The following KIF19 variants were observed in gnomAD, a reference collection of about 807,000 sequenced individuals.
The protein encoded by KIF19 is kinesin family member 19.
In KIF19, 98 loss-of-function variants were observed where a neutral mutation model predicts 106.6. The ratio of observed to expected loss-of-function variants is 0.92; its 90% confidence interval spans 0.78 to 1.09. The LOEUF (loss-of-function observed/expected upper bound fraction) is 1.09, where lower values mean the gene tolerates loss of function less well. Among genes scored for constraint, KIF19 ranks in the 50% least tolerant of loss-of-function variants. The pLI is 0.00. For synonymous variants in KIF19, 516 were observed against 584.2 expected (o/e 0.88, Z 1.68); for missense variants, 1,373 against 1,414.3 (o/e 0.97, Z 0.47).
At chr17:74,340,188 A>G (rs1396689326) in intron 2 of KIF19, among the ~76,000 whole-genome samples, 1 of 152,140 alleles carries the variant, frequency 6.6e-6, no homozygotes, top group African/African-American at 2.4e-5. Context: ...CAGGGCCCTC[A>G]GTGCCTACCC....
intron 2 of KIF19, among the ~76,000 whole-genome samples, chr17:74,334,514 G>C (rs2054175685): frequency 6.6e-6 from 1 of 152,134 alleles, no homozygotes; most frequent in South Asian, 2.1e-4. Context: ...AGCCAGGCAG[G>C]AATCTGACCA....
Position 74,328,636 on chromosome 17 carries a change from G to C in KIF19, c.120+131G>C, listed in dbSNP as rs76638917. On this transcript the variant is annotated intron_variant, in intron 2 of 19. Coordinates refer to ENST00000389916, the MANE Select transcript of KIF19 (RefSeq NM_153209.4). Reference sequence around the variant, plus strand: ...TCCTCTACTCACTGAACTCTTGGCTGTGCTGTTGATGACATCACCAAGGAA... The same window carrying C: ...TCCTCTACTCACTGAACTCTTGGCTCTGCTGTTGATGACATCACCAAGGAA... 2.0e-3 allele frequency: 1,388 copies of C among 705,652 alleles called. 27 individuals carry two copies. In the East Asian group the frequency reaches 0.035, roughly 18 times the overall value. 43.7% of individuals were successfully genotyped at this position (705,652 alleles called of 1,614,324 possible). A position where few individuals can be genotyped will look rare whatever the true frequency, so the allele number is the denominator to read the frequency against.
chr17:74,348,045 C>T, intron 9 of KIF19, 146 bp downstream of exon 9: 2 of 1,039,666 alleles, frequency 1.9e-6, no homozygotes, highest in Non-Finnish European at 2.7e-6. Flanking sequence ...CACCTGTACA[C>T]TTTCCCTGCA....
chr17:74,352,292 C>T lies in KIF19; in HGVS notation c.1932C>T (p.Ser644=). 6.2e-7 allele frequency: 1 copy of T among 1,612,314 alleles called. No homozygotes were observed. Among genetic ancestry groups the T allele is most frequent in the Non-Finnish European group, 8.5e-7 (1 of 1,179,558 alleles). ...EVYLRELEEG[S]LEQATIMDQV... ...ACCTGCGGGAGCTGGAGGAGGGCAG[C>T]CTGGAGCAGGCCACCATCATGGACC... The change falls in exon 14 of 20, where the codon AGC becomes AGT. Residue 644 remains serine, a synonymous_variant. Coordinates refer to ENST00000389916, the MANE Select transcript of KIF19 (RefSeq NM_153209.4).
chr17:74,327,611 A>T (rs1043047351), intron 1 of KIF19, among the ~76,000 whole-genome samples: 2 of 152,184 alleles, frequency 1.3e-5, no homozygotes, highest in Non-Finnish European at 2.9e-5. Flanking sequence ...TAGCTGGGAT[A>T]ACAGGCATGC....
chr17:74,339,633 G>T (rs556752424), intron 2 of KIF19, among the ~76,000 whole-genome samples: 21 of 148,612 alleles, frequency 1.4e-4, no homozygotes, highest in Non-Finnish European at 2.6e-4. Context: ...CTGCCGTCAT[G>T]CACTCCGTTC....
Position 74,346,381 on chromosome 17 carries a change from C to A in KIF19, c.781C>A (p.Gln261Lys). 1 of 1,573,682 alleles carries A rather than the reference C, an allele frequency of 6.4e-7. No individual in the cohort carries two copies. The highest frequency in any genetic ancestry group is 1.4e-5 in the African/African-American group (1 of 73,788). Residue 261 changes from glutamine to lysine, a missense_variant, in exon 8 of 20, where the codon CAG becomes AAG. By Grantham distance (53) the Gln-to-Lys change is moderately conservative (BLOSUM62 1). Coordinates refer to ENST00000389916, the MANE Select transcript of KIF19 (RefSeq NM_153209.4). The surrounding 1 kb of genome is among the most constrained non-coding windows in gnomAD (Gnocchi z 4.6). ...LAGSERASQT[Q>K]NRGQRMKEGA... is the part of the protein sequence containing the mutation. ...GTGCCCTTTGCTCGCCCCCTAGACA[C>A]AGAATCGTGGGCAGCGTATGAAGGA...
At position 74,344,275 on chromosome 17, in the gene KIF19, A is replaced by C; in HGVS notation, c.509A>C (p.Glu170Ala). 1 of 1,612,920 alleles carries C rather than the reference A, an allele frequency of 6.2e-7. No homozygotes were observed. Among genetic ancestry groups the C allele is most frequent in the Non-Finnish European group, 8.5e-7 (1 of 1,179,720 alleles). Residue 170 changes from glutamate (E) to alanine (A), a missense_variant, in exon 6 of 20, where the codon GAG becomes GCG. Coordinates refer to ENST00000389916, the MANE Select transcript of KIF19 (RefSeq NM_153209.4). ...DLLNPSLGYL[E>A]LREDSKGVIQ... ...CTGAACCCCTCCCTGGGCTACCTGG[A>C]GCTGCGGGAGGACTCTAAGGGGGTG...
At chr17:74,354,699 A>G (rs1160911622) in intron 18 of KIF19, 83 bp from the exon 19 acceptor site, 12 of 1,521,942 alleles carry the variant, frequency 7.9e-6, no homozygotes, top group Non-Finnish European at 1.1e-5. Flanking sequence ...CTCTGTCCCC[A>G]GCCTAGCATA....
chr17:74,347,663 T>C, intron 8 of KIF19, 114 bp from the exon 9 acceptor site: 1 of 1,286,504 alleles, frequency 7.8e-7, no homozygotes, highest in Admixed American at 2.1e-5. Flanking sequence ...GCCGGGTCCC[T>C]TAAGTGTAAA....
At chr17:74,332,494 C>A (rs1279957006) in intron 2 of KIF19, among the ~76,000 whole-genome samples, 1 of 152,122 alleles carries the variant, frequency 6.6e-6, no homozygotes, top group Non-Finnish European at 1.5e-5. Context: ...AGCCCACAGA[C>A]CCTCCTCCTA....
chr17:74,333,847 T>C (rs906093728), intron 2 of KIF19, among the ~76,000 whole-genome samples: 4 of 111,742 alleles, frequency 3.6e-5, no homozygotes, highest in Non-Finnish European at 7.3e-5. Flanking sequence ...CACTCCTTTT[T>C]TTTTTCTTTT....
chr17:74,327,518 C>T (rs975069316), intron 1 of KIF19, among the ~76,000 whole-genome samples: 15 of 152,276 alleles, frequency 9.9e-5, no homozygotes, highest in African/African-American at 3.4e-4. Flanking sequence ...GTTTCACTTT[C>T]TCACCCAGGC....
At position 74,346,614 on chromosome 17, in the gene KIF19, C is replaced by A; in HGVS notation, c.924+90C>A. The A allele has an allele frequency of 1.6e-6, 2 of 1,264,080 alleles. No individual in the cohort carries two copies. The highest frequency in any genetic ancestry group is 2.2e-6 in the Non-Finnish European group (2 of 908,492). The allele number at this position is 1,264,080 out of a possible 1,614,324, so 78.3% of individuals were successfully genotyped here. ...AAAATACAGGGCACCCAGCTAAATT[C>A]CAACCTCAGGATACACAGCAAAATT... On this transcript the variant is annotated intron_variant, in intron 8 of 19. Coordinates refer to ENST00000389916, the MANE Select transcript of KIF19 (RefSeq NM_153209.4). The surrounding 1 kb of genome is among the most constrained non-coding windows in gnomAD (Gnocchi z 4.6).
chr17:74,339,311 C>T (rs2144233457), intron 2 of KIF19, among the ~76,000 whole-genome samples: 1 of 152,028 alleles, frequency 6.6e-6, no homozygotes, highest in East Asian at 1.9e-4. Context: ...TCTGCCATTT[C>T]CTAGCAACAT....
chr17:74,354,863 C>G lies in KIF19; in HGVS notation c.2788C>G (p.Pro930Ala). The G allele has an allele frequency of 6.4e-7, 1 of 1,565,022 alleles. No homozygotes were observed. The highest frequency in any genetic ancestry group is 8.7e-7 in the Non-Finnish European group (1 of 1,155,266). Residue 930 changes from proline (P) to alanine (A), a missense_variant, in exon 19 of 20, where the codon CCA becomes GCA. This residue lies in a region of KIF19 where 1,020 missense variants were observed against 1,008.2 expected (regional missense o/e 1.01). Transcript: ENST00000389916. ...CCACAGGATGCCAGTGTGCAGGCAC[C>G]CAGCCCCTGGTATCCGGCATCTGGG... ...SDHRMPVCRHPAPGIRHLGKV... is the reference protein window; with the variant it reads ...SDHRMPVCRHAAPGIRHLGKV...
At chr17:74,344,414 C>G (rs11870297) in intron 6 of KIF19, 66 bp downstream of exon 6, 5 of 1,568,488 alleles carry the variant, frequency 3.2e-6, no homozygotes, top group South Asian at 1.2e-5. Context: ...GCAGGAGGGG[C>G]GGGGACAGAA....
intron 2 of KIF19, among the ~76,000 whole-genome samples, chr17:74,333,361 ATTTTTTT>A (rs35232394): frequency 4.6e-5 from 6 of 129,482 alleles, no homozygotes; most frequent in East Asian, 2.3e-4. Context: ...TGTGGTCCTA[ATTTTTTT>A]TTTTTTTTTT....
chr17:74,346,149 G>A lies in KIF19; in HGVS notation c.778-229G>A, dbSNP rs115629038. On this transcript the variant is annotated intron_variant, in intron 7 of 19. Coordinates refer to ENST00000389916, the MANE Select transcript of KIF19 (RefSeq NM_153209.4). This position sits in a 1 kb window ranked among gnomAD's most constrained non-coding sequence, Gnocchi z 4.6. ...CACGGCACCTGCCCTGAGGAGAACC[G>A]GCCATCTCAGCCCTCCTCAGAAGCT... 0.011 allele frequency among the ~76,000 whole-genome samples: 1,607 copies of A among 152,302 alleles called. 29 individuals carry two copies. The highest frequency in any genetic ancestry group is 0.037 in the African/African-American group (1,543 of 41,562).
Sources: gnomAD v4.1 joint callset for allele counts (sites outside exome capture counted in the v4.1 genomes callset) on GRCh38, gnomAD v4.1.1 for gene constraint, gnomAD v4.1.1 regional missense constraint, Gnocchi (gnomAD v3.1) non-coding constraint, MANE v1.5 for transcripts, NCBI Gene and HGNC (gene_info 2026-07-23, HGNC 2026-07-21) for gene names.